DYSF: variants seen among roughly 807,000 people sequenced by gnomAD.
DYSF encodes the protein dystrophy-associated fer-1-like 1.
In DYSF, 212 loss-of-function variants were observed where a neutral mutation model predicts 274.9. That is an observed-to-expected ratio of 0.77 (90% confidence interval 0.69 to 0.86). DYSF has a LOEUF of 0.86. Ranked by LOEUF, DYSF falls within the 40% of genes least tolerant of loss-of-function variation. The pLI, the probability that DYSF is intolerant of heterozygous loss-of-function variation, is 0.00. For missense variants in DYSF, 2,666 were observed against 2,783.2 expected (o/e 0.96, Z 0.95); for synonymous variants, 1,091 against 1,078.7 (o/e 1.01, Z -0.22).
At chr2:71,595,762 G>GTGCT (rs1186270507) in intron 32 of DYSF, among the ~76,000 whole-genome samples, 1 of 152,226 alleles carries the variant, frequency 6.6e-6, no homozygotes, top group African/African-American at 2.4e-5. Context: ...GCAATCCAAA[G>GTGCT]TGCTTGCCTC....
rs2085171858 is a variant in DYSF at position 71,503,281 on chromosome 2, A to G, written c.307A>G (p.Asn103Asp). Reference protein sequence around the residue: ...LATPSLSASFNAPLLDTKKQP... With the variant: ...LATPSLSASFDAPLLDTKKQP... ...CACCCCTAGTCTGTCCGCCAGCTTCAATGCCCCCCTGCTGGACACCAAGAA... is the reference window on the plus strand; with the variant it reads ...CACCCCTAGTCTGTCCGCCAGCTTCGATGCCCCCCTGCTGGACACCAAGAA... The change falls in exon 4 of 56, where the codon AAT (asparagine) becomes GAT (aspartate). Residue 103 changes from asparagine (N) to aspartate (D), a missense_variant. Transcript: ENST00000410020. 6.2e-7 allele frequency: 1 copy of G among 1,614,056 alleles called. No homozygotes were observed. Among genetic ancestry groups the G allele is most frequent in the African/African-American group, 1.3e-5 (1 of 75,012 alleles).
intron 14 of DYSF, among the ~76,000 whole-genome samples, chr2:71,530,794 C>G (rs13430473): frequency 0.071 from 10,767 of 152,210 alleles, 545 homozygotes; most frequent in African/African-American, 0.14. Flanking sequence ...CTGCCTGTCC[C>G]TCTCTTTTAG....
At position 71,682,487 on chromosome 2, in the gene DYSF, C is replaced by T. The variant is rs565739131; in HGVS notation, c.6174-43C>T. On this transcript the variant is annotated intron_variant, in intron 54 of 55. Coordinates refer to ENST00000410020, the MANE Select transcript of DYSF (RefSeq NM_001130987.2). ...AGAGAAGAGTTTGGAGAAAGCAGCC[C>T]TAGTAAAGGATGCCCAGTTGACCTC... 100 of 1,613,652 alleles carry T rather than the reference C, an allele frequency of 6.2e-5. No homozygotes were observed. In the East Asian group the frequency reaches 2.1e-3, roughly 34 times the overall value.
Position 71,644,134 on chromosome 2 carries a change from A to G in DYSF, c.4626+71A>G, listed in dbSNP as rs538607484. 8.7e-5 allele frequency: 110 copies of G among 1,268,528 alleles called. No individual in the cohort carries two copies. In the African/African-American group the frequency reaches 1.5e-3, roughly 17 times the overall value. The allele number at this position is 1,268,528 out of a possible 1,614,324, so 78.6% of individuals were successfully genotyped here. ...GGGCAGTGGGAGACACAACAGAAAG[A>G]GAGCTCATGCAGTAGATGTATTTGC... On this transcript the variant is annotated intron_variant, in intron 42 of 55. Coordinates refer to ENST00000410020, the MANE Select transcript of DYSF (RefSeq NM_001130987.2).
chr2:71,480,971 G>A (rs776640833), intron 2 of DYSF, 33 bp downstream of exon 2: 4 of 1,603,368 alleles, frequency 2.5e-6, no homozygotes, highest in Non-Finnish European at 3.4e-6. Context: ...TTTTCTCTCT[G>A]TCTGCTGCAG....
chr2:71,664,472 G>A, intron 46 of DYSF, 34 bp downstream of exon 46: 1 of 1,611,936 alleles, frequency 6.2e-7, no homozygotes, highest in Non-Finnish European at 8.5e-7. Context: ...CTGCTTCTCT[G>A]ACAACACACC....
At chr2:71,617,989 G>GGT (rs2093947079) in intron 40 of DYSF, among the ~76,000 whole-genome samples, 1 of 133,642 alleles carries the variant, frequency 7.5e-6, no homozygotes, top group Non-Finnish European at 1.6e-5. Flanking sequence ...TGGTAGAGGT[G>GGT]AGGTATATGT....
chr2:71,686,116 C>A (rs1042432692), intron 55 of DYSF, among the ~76,000 whole-genome samples: 1 of 152,170 alleles, frequency 6.6e-6, no homozygotes, highest in Admixed American at 6.5e-5. Context: ...TCAGCTGGAA[C>A]CTGGAAATGG....
rs764456149 is a variant in DYSF, at chr2:71,561,858, G to A, written c.2323G>A (p.Ala775Thr). The A allele has an allele frequency of 6.2e-7, 1 of 1,614,154 alleles. No homozygotes were observed. The highest frequency in any genetic ancestry group is 2.2e-5 in the East Asian group (1 of 44,870). ...GAGCCAAATCACTGAGGCTGCCCTG[G>A]CCCTGAAGCTCGGCCACAGTGAGCT... ...HLSQITEAALALKLGHSELPA... is the reference protein window; with the variant it reads ...HLSQITEAALTLKLGHSELPA... The change falls in exon 23 of 56, where the codon GCC (alanine) becomes ACC (threonine). Residue 775 changes from alanine to threonine, a missense_variant. By Grantham distance (58) the Ala-to-Thr change is moderately conservative. Coordinates refer to ENST00000410020, the MANE Select transcript of DYSF (RefSeq NM_001130987.2).
At chr2:71,666,617 C>T (rs2095015999) in intron 47 of DYSF, among the ~76,000 whole-genome samples, 1 of 152,184 alleles carries the variant, frequency 6.6e-6, no homozygotes, top group Non-Finnish European at 1.5e-5. Context: ...TCAGGAATAC[C>T]CCATGTCTTC....
At chr2:71,660,011 C>T (rs1479786639) in intron 44 of DYSF, among the ~76,000 whole-genome samples, 2 of 152,208 alleles carry the variant, frequency 1.3e-5, no homozygotes, top group East Asian at 1.9e-4. Context: ...CCACTGACGG[C>T]CTCCAAGGTG....
chr2:71,623,959 T>C (rs1024382647), intron 41 of DYSF, among the ~76,000 whole-genome samples: 4 of 152,058 alleles, frequency 2.6e-5, no homozygotes, highest in African/African-American at 9.7e-5. Context: ...GTCCCAGCTA[T>C]TCAGGAGGCT....
chr2:71,543,229 C>T (rs1160778532), intron 17 of DYSF, among the ~76,000 whole-genome samples: 17 of 38,220 alleles, frequency 4.4e-4, no homozygotes, highest in African/African-American at 7.6e-4. Context: ...GACGGGGTCG[C>T]GGCCGGGCAG....
In DYSF at chr2:71,612,787, A is replaced by T. The variant is rs773002887; in HGVS notation, c.4368A>T (p.Pro1456=). The change falls in exon 39 of 56, where the codon CCA becomes CCT. Residue 1456 remains proline (P), a synonymous_variant. Transcript: ENST00000410020. The part of the protein sequence containing the change: ...FLCDPYSAES[P]SPQGGPDDVS... ...GTGACCCCTACTCGGCGGAGAGTCC[A>T]TCCCCACAGGGTGGCCCAGGTAGGG... 5.0e-6 allele frequency: 8 copies of T among 1,613,598 alleles called. No individual in the cohort carries two copies. Among genetic ancestry groups the T allele is most frequent in the Non-Finnish European group, 6.8e-6 (8 of 1,179,624 alleles).
At chr2:71,660,681 G>A (rs149612204) in intron 45 of DYSF, 30 bp downstream of exon 45, 2 of 1,586,528 alleles carry the variant, frequency 1.3e-6, no homozygotes, top group East Asian at 2.2e-5. Context: ...GTCTTGGGGT[G>A]GAGGAGCCAG....
At chr2:71,469,037 A>G (rs1445069399) in intron 1 of DYSF, among the ~76,000 whole-genome samples, 1 of 152,192 alleles carries the variant, frequency 6.6e-6, no homozygotes, top group Admixed American at 6.5e-5. Flanking sequence ...AACAGATTCC[A>G]GAGTCCCCAT....
At chr2:71,526,037 A>T (rs2087857006) in intron 12 of DYSF, among the ~76,000 whole-genome samples, 183 bp from the exon 13 acceptor site, 1 of 152,172 alleles carries the variant, frequency 6.6e-6, no homozygotes, top group East Asian at 1.9e-4. Flanking sequence ...TGCTGTACTC[A>T]AGAGGAAGCT....
At chr2:71,674,802 G>A (rs1178299684) in intron 52 of DYSF, among the ~76,000 whole-genome samples, 1 of 152,138 alleles carries the variant, frequency 6.6e-6, no homozygotes, top group Non-Finnish European at 1.5e-5. Context: ...GGGTTGAATG[G>A]AAGGTGGTGA....
At chr2:71,587,747 G>A (rs1052244844) in intron 30 of DYSF, among the ~76,000 whole-genome samples, 1 of 152,174 alleles carries the variant, frequency 6.6e-6, no homozygotes, top group African/African-American at 2.4e-5. Context: ...ACTGGAGCCC[G>A]AGGAATCTGG....
Sources: allele counts gnomAD v4.1 joint callset (sites outside exome capture counted in the v4.1 genomes callset), GRCh38; gene constraint gnomAD v4.1.1; transcripts MANE v1.5; gene names NCBI Gene and HGNC (gene_info 2026-07-23, HGNC 2026-07-21).